MATR3: variants seen among roughly 807,000 people sequenced by gnomAD.
MATR3 encodes the protein matrin-3.
A neutral mutation model predicts 85.5 loss-of-function variants in MATR3; 4 were observed. The observed-to-expected ratio is 0.05, with a 90% CI of 0.02 to 0.11. The LOEUF is 0.11. Among genes scored for constraint, MATR3 ranks in the 10% least tolerant of loss-of-function variants. The pLI, the probability that MATR3 is intolerant of heterozygous loss-of-function variation, is 1.00. For missense variants in MATR3, 685 were observed against 1,016.1 expected, an observed-to-expected ratio of 0.67 and a Z score of 4.43; for synonymous variants, 336 against 343.1, an observed-to-expected ratio of 0.98 and a Z score of 0.23.
At position 139,322,455 on chromosome 5, in the gene MATR3, T is replaced by C. The variant is rs1305105377; in HGVS notation, c.1735-8T>C. ...TGTGTTAACTTCTGCAAAACTTTTG[T>C]CTTTTAGATTCCAAACAGAGGCATT... is the stretch of plus-strand genomic sequence containing the variant. On this transcript the variant is annotated splice_polypyrimidine_tract_variant and splice_region_variant and intron_variant, in intron 10 of 14. Transcript: ENST00000394805. The C allele has an allele frequency of 6.2e-7, 1 of 1,613,426 alleles. No individual in the cohort carries two copies. Among genetic ancestry groups the C allele is most frequent in the Admixed American group, 1.7e-5 (1 of 59,990 alleles).
intron 12 of MATR3, 84 bp downstream of exon 12, chr5:139,323,051 A>C (rs1454577262): frequency 1.5e-6 from 2 of 1,320,650 alleles, no homozygotes; most frequent in Non-Finnish European, 2.1e-6. Context: ...AGGATCAGAT[A>C]GAATTATATG....
chr5:139,307,673 A>G lies in MATR3; in HGVS notation c.258A>G (p.Ile86Met). The change falls in exon 2 of 15, where the codon ATA (isoleucine) becomes ATG (methionine). Residue 86 changes from isoleucine (I) to methionine (M), a missense_variant. Ile to Met is a conservative substitution (Grantham distance 10, BLOSUM62 1). Around this residue, in one of 9 missense-constraint regions of MATR3, gnomAD observed 57 missense variants for 68.6 expected, o/e 0.83. Coordinates refer to ENST00000394805, the MANE Select transcript of MATR3 (RefSeq NM_018834.6). This position sits in a 1 kb window ranked among gnomAD's most constrained non-coding sequence, Gnocchi z 4.4. The stretch of plus-strand genomic sequence containing the variant: ...CTTCTTCCCATAATTTGCAGTCTAT[A>G]TTTAACATTGGAAGTAGAGGTCCAC... Reference protein sequence around the residue: ...ASTSSHNLQSIFNIGSRGPLP... With the variant: ...ASTSSHNLQSMFNIGSRGPLP... The G allele has an allele frequency of 1.2e-6, 2 of 1,614,180 alleles. No individual in the cohort carries two copies. Among genetic ancestry groups the G allele is most frequent in the South Asian group, 1.1e-5 (1 of 91,082 alleles).
chr5:139,328,819 C>G (rs757387625), intron 14 of MATR3, among the ~76,000 whole-genome samples: 1 of 152,114 alleles, frequency 6.6e-6, no homozygotes, highest in South Asian at 2.1e-4. Flanking sequence ...CTGGCCAACA[C>G]GGTGAAAACC....
chr5:139,321,182 C>G (rs1429777284), intron 9 of MATR3, among the ~76,000 whole-genome samples: 1 of 152,056 alleles, frequency 6.6e-6, no homozygotes, highest in African/African-American at 2.4e-5. Flanking sequence ...TGGAGTCTTG[C>G]TCTGTCGCCC....
At chr5:139,274,544 T>TA in intron 1 of MATR3, 1 of 164,302 alleles carries the variant, frequency 6.1e-6, no homozygotes, top group East Asian at 1.6e-4. Context: ...GAACCCTCTC[T>TA]ACTCATTTTC....
intron 14 of MATR3, among the ~76,000 whole-genome samples, 157 bp from the exon 15 acceptor site, chr5:139,329,188 T>C (rs1756005853): frequency 2.6e-5 from 4 of 152,140 alleles, no homozygotes; most frequent in African/African-American, 7.2e-5. Context: ...CCTGAAAGTT[T>C]TTGTGTGCTA....
chr5:139,328,023 G>A (rs530717344), intron 14 of MATR3, among the ~76,000 whole-genome samples: 1 of 151,868 alleles, frequency 6.6e-6, no homozygotes, highest in South Asian at 2.1e-4. Context: ...CACTTCGCCT[G>A]GCTAATTTTT....
At chr5:139,309,216 CT>C (rs950496570) in intron 2 of MATR3, among the ~76,000 whole-genome samples, 35 of 152,246 alleles carry the variant, frequency 2.3e-4, no homozygotes, top group East Asian at 5.8e-4. Context: ...CTCATTCTGA[CT>C]TTTTTTCCCC....
At chr5:139,274,599 G>C (rs746258646) in intron 1 of MATR3, among the ~76,000 whole-genome samples, 1 of 152,102 alleles carries the variant, frequency 6.6e-6, no homozygotes, top group Non-Finnish European at 1.5e-5. Context: ...TGAAATTTGG[G>C]GATGGCTGGA....
chr5:139,303,004 AATAATCTTTCATAG>A (rs972354075), intron 1 of MATR3, among the ~76,000 whole-genome samples: 1 of 151,274 alleles, frequency 6.6e-6, no homozygotes, highest in African/African-American at 2.4e-5. Context: ...TTAAACCATA[AATAATCTTTCATAG>A]TTTTATGGGT....
chr5:139,316,593 G>A (rs1479187835), intron 5 of MATR3, among the ~76,000 whole-genome samples: 2 of 151,974 alleles, frequency 1.3e-5, no homozygotes, highest in Non-Finnish European at 2.9e-5. Flanking sequence ...CGTCACTCAG[G>A]CTAGAGTGTA....
At position 139,318,873 on chromosome 5, in the gene MATR3, A is replaced by T. The variant is rs766560990; in HGVS notation, c.1309-35A>T. ...AGTTCAATGTGAGAAAGCTGATTGG[A>T]AAAAACAGAGAAATAACTTTTTGTA... is the stretch of plus-strand genomic sequence containing the variant. On this transcript the variant is annotated intron_variant, in intron 7 of 14. Coordinates refer to ENST00000394805, the MANE Select transcript of MATR3 (RefSeq NM_018834.6). The T allele has an allele frequency of 1.9e-6, 3 of 1,611,714 alleles. No homozygotes were observed. In the East Asian group the frequency reaches 6.7e-5, roughly 36 times the overall value.
chr5:139,326,165 A>G lies in MATR3; in HGVS notation c.2374A>G (p.Ile792Val), dbSNP rs766453846. The G allele has an allele frequency of 2.3e-5, 36 of 1,599,312 alleles. No homozygotes were observed. The East Asian group carries it at 4.3e-4, about 19-fold the overall frequency. ...AGAATGTATGTTTGTATTTCTAGGTATAGACTATGTGATACCTAAAACAGG... is the reference window on the plus strand; with the variant it reads ...AGAATGTATGTTTGTATTTCTAGGTGTAGACTATGTGATACCTAAAACAGG... The part of the protein sequence containing the change: ...GPYQPNVPVG[I>V]DYVIPKTGFY... The change falls in exon 14 of 15, where the codon ATA (isoleucine) becomes GTA (valine). Residue 792 changes from isoleucine (I) to valine (V), a missense_variant and splice_region_variant. Physicochemically the swap from Ile to Val is conservative, Grantham distance 29. Around this residue, in one of 9 missense-constraint regions of MATR3, gnomAD observed 45 missense variants for 82.5 expected, o/e 0.55. Transcript: ENST00000394805.
chr5:139,331,278 C>A lies in MATR3; in HGVS notation c.*1883C>A. 1 of 454,098 alleles carries A rather than the reference C, an allele frequency of 2.2e-6. No individual in the cohort carries two copies. The highest frequency in any genetic ancestry group is 4.4e-6 in the Non-Finnish European group (1 of 226,798). 28.1% of individuals were successfully genotyped at this position (454,098 alleles called of 1,614,324 possible). ...AAAAATCCTTGCCAGTTTACTTCTG[C>A]AATTTAATTTTAGCCTTTACTAATT... On this transcript the variant is annotated 3_prime_UTR_variant, in exon 15 of 15. Transcript: ENST00000394805.
At chr5:139,317,233 C>T (rs1008940421) in intron 6 of MATR3, 128 bp downstream of exon 6, 3 of 966,764 alleles carry the variant, frequency 3.1e-6, no homozygotes, top group Non-Finnish European at 4.9e-6. Flanking sequence ...AAAACAATCA[C>T]GTTTTTCTAT....
intron 1 of MATR3, among the ~76,000 whole-genome samples, chr5:139,275,034 AG>A (rs1470096573): frequency 6.7e-6 from 1 of 149,024 alleles, no homozygotes; most frequent in Non-Finnish European, 1.5e-5. Flanking sequence ...GGAGTGCAGT[AG>A]GGCGATCTCG....
At chr5:139,280,705 TTA>T (rs886351997) in intron 3 of MATR3, 1 of 152,188 alleles carries the variant, frequency 6.6e-6, no homozygotes, top group African/African-American at 2.4e-5. Context: ...GAGGAAAATT[TTA>T]TGTCATGAAT....
At chr5:139,278,044 A>G (rs964073072) in intron 2 of MATR3, among the ~76,000 whole-genome samples, 2 of 152,006 alleles carry the variant, frequency 1.3e-5, no homozygotes, top group Non-Finnish European at 2.9e-5. Flanking sequence ...AGCCTGGGCA[A>G]CAGAAAGAGA....
At chr5:139,325,054 G>T (rs965709256) in intron 12 of MATR3, among the ~76,000 whole-genome samples, 1 of 152,036 alleles carries the variant, frequency 6.6e-6, no homozygotes, top group Non-Finnish European at 1.5e-5. Context: ...TTAGCCGGGC[G>T]TGGTGGCGTG....
Sources: allele counts gnomAD v4.1 joint callset (sites outside exome capture counted in the v4.1 genomes callset), GRCh38; gene constraint gnomAD v4.1.1; regional missense constraint gnomAD v4.1.1; non-coding constraint Gnocchi (gnomAD v3.1); transcripts MANE v1.5; gene names NCBI Gene and HGNC (gene_info 2026-07-23, HGNC 2026-07-21).